The following ISCU variants were observed in gnomAD, a reference collection of about 807,000 sequenced individuals.
ISCU encodes the protein iron-sulfur cluster assembly enzyme, also known as iron-sulfur cluster assembly enzyme ISCU.
In ISCU, 13 loss-of-function variants were observed where a neutral mutation model predicts 18.4. That is an observed-to-expected ratio of 0.71 (90% CI 0.46 to 1.12). The LOEUF (loss-of-function observed/expected upper bound fraction) is 1.12. Among genes scored for constraint, ISCU ranks in the 50% most tolerant of loss-of-function variants. The pLI is 0.00. For missense variants in ISCU, 229 were observed against 208.7 expected (o/e 1.10, Z -0.60); for synonymous variants, 104 against 87.5 (o/e 1.19, Z -1.06).
At position 108,567,246 on chromosome 12, in the gene ISCU, TC is replaced by T; in HGVS notation, c.399del (p.Val134Ter). 6.2e-7 allele frequency: 1 copy of T among 1,613,978 alleles called. No individual in the cohort carries two copies. Among genetic ancestry groups the T allele is most frequent in the Non-Finnish European group, 8.5e-7 (1 of 1,179,872 alleles). ...TDIAKELCLPPVKLHCSMLAE... is the reference protein window; with the variant it reads ...TDIAKELCLPXVKLHCSMLAE... ...ATATCGCCAAGGAGCTCTGCCTTCC[TC>T]CCGTGAAACTGCACTGCTCCAGTAA... On this transcript the variant is annotated frameshift_variant, in exon 4 of 5. Coordinates refer to ENST00000311893, the MANE Select transcript of ISCU (RefSeq NM_213595.4). LOFTEE classifies it high-confidence loss of function.
At chr12:108,563,461 A>G (rs1012237574) in intron 1 of ISCU, 4 of 158,474 alleles carry the variant, frequency 2.5e-5, no homozygotes, top group African/African-American at 9.7e-5. Context: ...CCTACATTAG[A>G]TACTATCCTG....
chr12:108,565,593 T>C (rs1247261102), intron 3 of ISCU, among the ~76,000 whole-genome samples, 162 bp downstream of exon 3: 1 of 152,250 alleles, frequency 6.6e-6, no homozygotes, highest in African/African-American at 2.4e-5. Flanking sequence ...TGGGTTTTTT[T>C]CTTGTTGATC....
In ISCU at chr12:108,569,310, A is replaced by G. The variant is rs1187613691; in HGVS notation, c.*394A>G. On this transcript the variant is annotated 3_prime_UTR_variant, in exon 5 of 5. Transcript: ENST00000311893. ...TATTTGATAGAACCAATTGTTGTAC[A>G]TAAAACAGATTGCGCATATATATAT... 2 of 123,394 alleles carry G rather than the reference A, an allele frequency of 1.6e-5. No homozygotes were observed. Among genetic ancestry groups the G allele is most frequent in the Non-Finnish European group, 3.1e-5 (2 of 65,416 alleles). The allele number at this position is 123,394 out of a possible 1,614,324, so 7.6% of individuals were successfully genotyped here. A position where few individuals can be genotyped will look rare whatever the true frequency, so the allele number is the denominator to read the frequency against.
chr12:108,568,453 A>G (rs868149020), intron 4 of ISCU: 1 of 1,126,872 alleles, frequency 8.9e-7, no homozygotes, highest in South Asian at 2.5e-5. Flanking sequence ...CTAGACTTTG[A>G]TGGGAGCAGG....
Position 108,567,247 on chromosome 12 carries a change from C to T in ISCU, c.397C>T (p.Pro133Ser). 1 of 1,613,802 alleles carries T rather than the reference C, an allele frequency of 6.2e-7. No homozygotes were observed. Among genetic ancestry groups the T allele is most frequent in the East Asian group, 2.2e-5 (1 of 44,896 alleles). ...TATCGCCAAGGAGCTCTGCCTTCCT[C>T]CCGTGAAACTGCACTGCTCCAGTAA... ...TDIAKELCLP[P>S]VKLHCSMLAE... The change falls in exon 4 of 5, where the codon CCC (proline) becomes TCC (serine). Residue 133 changes from proline to serine, a missense_variant. By Grantham distance (74) the Pro-to-Ser change is moderately conservative (BLOSUM62 -1). Coordinates refer to ENST00000311893, the MANE Select transcript of ISCU (RefSeq NM_213595.4).
At chr12:108,567,998 A>T in intron 4 of ISCU, 1 of 1,531,224 alleles carries the variant, frequency 6.5e-7, no homozygotes, top group Non-Finnish European at 8.7e-7. Flanking sequence ...ATCAGCAGAG[A>T]GTCAGGCCTC....
Position 108,569,062 on chromosome 12 carries a change from TG to T in ISCU, c.*147del. ...CTTGCTGTTCACGTTATGACTCTCA[TG>T]CAAGCAAAATACACAGTTTCATTGT... On this transcript the variant is annotated 3_prime_UTR_variant, in exon 5 of 5. Transcript: ENST00000311893. 1 of 712,880 alleles carries T rather than the reference TG, an allele frequency of 1.4e-6. No individual in the cohort carries two copies. Among genetic ancestry groups the T allele is most frequent in the Non-Finnish European group, 2.5e-6 (1 of 406,086 alleles). The allele number at this position is 712,880 out of a possible 1,614,324, so 44.2% of individuals were successfully genotyped here. A position where few individuals can be genotyped will look rare whatever the true frequency, so the allele number is the denominator to read the frequency against.
chr12:108,566,571 A>G (rs1483924874), intron 3 of ISCU, among the ~76,000 whole-genome samples: 1 of 152,220 alleles, frequency 6.6e-6, no homozygotes, highest in East Asian at 1.9e-4. Context: ...GCAGTGGGGC[A>G]CTGTTCTACA....
chr12:108,563,999 G>A (rs966064219), intron 1 of ISCU: 7 of 1,138,124 alleles, frequency 6.2e-6, no homozygotes, highest in African/African-American at 6.1e-5. Context: ...TGAAAGTCAA[G>A]TATTTTTGTA....
At chr12:108,565,245 C>T (rs943043539) in intron 2 of ISCU, 76 bp from the exon 3 acceptor site, 14 of 1,041,918 alleles carry the variant, frequency 1.3e-5, no homozygotes, top group Middle Eastern at 2.0e-4. Context: ...GGGGAAGGCC[C>T]TGGTGAACCT....
intron 2 of ISCU, 74 bp downstream of exon 2, chr12:108,564,466 G>A: frequency 1.0e-6 from 1 of 1,002,900 alleles, no homozygotes; most frequent in East Asian, 2.5e-5. Context: ...ATTTCACTTG[G>A]TCTCCATCTT....
intron 3 of ISCU, among the ~76,000 whole-genome samples, chr12:108,565,994 G>A (rs1356939211): frequency 6.6e-6 from 1 of 152,260 alleles, no homozygotes; most frequent in African/African-American, 2.4e-5. Context: ...TGTCTCCCAA[G>A]TGTCTTTCCC....
chr12:108,567,046 G>C, intron 3 of ISCU, 144 bp from the exon 4 acceptor site: 1 of 703,808 alleles, frequency 1.4e-6, no homozygotes, highest in Non-Finnish European at 2.6e-6. Context: ...TGGGAGTCCT[G>C]AGAAGACCCT....
Position 108,568,990 on chromosome 12 carries a change from C to T in ISCU, c.*74C>T. 7.9e-7 allele frequency: 1 copy of T among 1,270,850 alleles called. No individual in the cohort carries two copies. Among genetic ancestry groups the T allele is most frequent in the East Asian group, 2.4e-5 (1 of 41,236 alleles). The allele number at this position is 1,270,850 out of a possible 1,614,324, so 78.7% of individuals were successfully genotyped here. ...CTGCTGTGCAGTCACCTTAGATGTT[C>T]AGAAGCCGCTTCCTCTCCACTGAAG... On this transcript the variant is annotated 3_prime_UTR_variant, in exon 5 of 5. Transcript: ENST00000311893.
At chr12:108,564,832 A>C (rs1156748270) in intron 2 of ISCU, among the ~76,000 whole-genome samples, 2 of 152,270 alleles carry the variant, frequency 1.3e-5, no homozygotes, top group Non-Finnish European at 1.5e-5. Flanking sequence ...TTGTAGCACC[A>C]ATCTGCTGCT....
chr12:108,567,945 C>T (rs2030978796), intron 4 of ISCU: 1 of 1,420,386 alleles, frequency 7.0e-7, no homozygotes, highest in South Asian at 1.2e-5. Context: ...GAAACATTAG[C>T]CTTAATGCAT....
chr12:108,567,146 TA>T, intron 3 of ISCU, 43 bp from the exon 4 acceptor site: 1 of 1,419,798 alleles, frequency 7.0e-7, no homozygotes. Context: ...CCTCACAAGA[TA>T]AAGTGTTGCT....
chr12:108,567,814 G>C lies in ISCU; in HGVS notation c.418+546G>C, dbSNP rs557212252. On this transcript the variant is annotated intron_variant, in intron 4 of 4. Transcript: ENST00000311893. ...CCAGTTGTACAATGTCCCCCTCCCT[G>C]CTATCCTAAAAAAAAGCCCAGATGC... 97 of 1,523,076 alleles carry C rather than the reference G, an allele frequency of 6.4e-5. No homozygotes were observed. The African/African-American group carries it at 1.2e-3, about 18-fold the overall frequency. The allele number at this position is 1,523,076 out of a possible 1,614,324, so 94.3% of individuals were successfully genotyped here. A position where few individuals can be genotyped will look rare whatever the true frequency, so the allele number is the denominator to read the frequency against.
At position 108,569,106 on chromosome 12, in the gene ISCU, C is replaced by A; in HGVS notation, c.*190C>A. 1.6e-6 allele frequency: 1 copy of A among 615,444 alleles called. No individual in the cohort carries two copies. Among genetic ancestry groups the A allele is most frequent in the Non-Finnish European group, 2.9e-6 (1 of 346,252 alleles). 38.1% of individuals were successfully genotyped at this position (615,444 alleles called of 1,614,324 possible). ...TTCATTGTTCTGAATCCTGTGGTTT[C>A]TTTCAGCCCACTTTTATCGCCTTAA... On this transcript the variant is annotated 3_prime_UTR_variant, in exon 5 of 5. Transcript: ENST00000311893.
Sources: allele counts gnomAD v4.1 joint callset (sites outside exome capture counted in the v4.1 genomes callset), GRCh38; gene constraint gnomAD v4.1.1; transcripts MANE v1.5; gene names NCBI Gene and HGNC (gene_info 2026-07-23, HGNC 2026-07-21).